The following NEK7 variants were observed in gnomAD, a reference collection of about 807,000 sequenced individuals.
NEK7 encodes serine/threonine-protein kinase Nek7.
Under a neutral mutation model 44.6 loss-of-function variants are expected in NEK7, and 18 were observed. That is an observed-to-expected ratio of 0.40 (90% CI 0.28 to 0.60). NEK7 has a LOEUF of 0.60. Ranked by LOEUF, NEK7 falls within the 20% of genes least tolerant of loss-of-function variation. The pLI is 0.38. For missense variants in NEK7, 256 were observed against 366.5 expected (o/e 0.70, Z 2.46); for synonymous variants, 130 against 121.1 (o/e 1.07, Z -0.48).
intron 1 of NEK7, among the ~76,000 whole-genome samples, chr1:198,230,428 A>C (rs1227623194): frequency 6.6e-6 from 1 of 152,136 alleles, no homozygotes; most frequent in Non-Finnish European, 1.5e-5. Flanking sequence ...AAAAAAGAAA[A>C]AACATGTAAT....
intron 3 of NEK7, among the ~76,000 whole-genome samples, chr1:198,254,070 CT>C (rs893707913): frequency 2.0e-3 from 298 of 147,012 alleles, no homozygotes; most frequent in African/African-American, 5.1e-3. Context: ...ATCTAAATGT[CT>C]TTTTTTTTTT....
At chr1:198,300,053 A>G (rs901958365) in intron 9 of NEK7, among the ~76,000 whole-genome samples, 6 of 152,162 alleles carry the variant, frequency 3.9e-5, no homozygotes, top group Non-Finnish European at 5.9e-5. Flanking sequence ...TAGGGAATCT[A>G]TATTTTATGG....
At chr1:198,207,351 T>G (rs1665627530) in intron 1 of NEK7, 1 of 152,168 alleles carries the variant, frequency 6.6e-6, no homozygotes, top group African/African-American at 2.4e-5. Flanking sequence ...ACCCAGAAAT[T>G]TGATTCCTAG....
At chr1:198,228,496 A>G (rs1321342086) in intron 1 of NEK7, among the ~76,000 whole-genome samples, 1 of 151,486 alleles carries the variant, frequency 6.6e-6, no homozygotes, top group African/African-American at 2.4e-5. Context: ...CTTCCTACCC[A>G]TGAGCATGGA....
At chr1:198,207,984 G>A (rs1401393090) in intron 1 of NEK7, among the ~76,000 whole-genome samples, 1 of 152,142 alleles carries the variant, frequency 6.6e-6, no homozygotes, top group Admixed American at 6.5e-5. Context: ...CTCTATTTAT[G>A]TGTTGGTTGT....
At chr1:198,276,628 T>G (rs1654026251) in intron 5 of NEK7, among the ~76,000 whole-genome samples, 1 of 151,798 alleles carries the variant, frequency 6.6e-6, no homozygotes, top group South Asian at 2.1e-4. Context: ...CCTGGTCATC[T>G]AATTGTTATT....
chr1:198,299,579 T>C (rs922196084), intron 9 of NEK7, among the ~76,000 whole-genome samples: 2 of 152,224 alleles, frequency 1.3e-5, no homozygotes, highest in African/African-American at 4.8e-5. Context: ...GTTAATTTTA[T>C]AGCTACAATG....
At chr1:198,310,617 G>T (rs914062214) in intron 9 of NEK7, among the ~76,000 whole-genome samples, 2 of 151,558 alleles carry the variant, frequency 1.3e-5, no homozygotes, top group African/African-American at 4.9e-5. Flanking sequence ...ATTGATTTTT[G>T]TATAAGGTGT....
intron 5 of NEK7, among the ~76,000 whole-genome samples, chr1:198,270,628 G>A (rs772264866): frequency 1.6e-4 from 24 of 152,074 alleles, no homozygotes; most frequent in Admixed American, 5.9e-4. Context: ...TGCTGACTTT[G>A]TATTTTCTAC....
intron 1 of NEK7, among the ~76,000 whole-genome samples, chr1:198,209,641 T>A (rs1665706230): frequency 6.6e-6 from 1 of 152,150 alleles, no homozygotes; most frequent in Non-Finnish European, 1.5e-5. Context: ...CATTTAATTT[T>A]TCTTTCTTTT....
chr1:198,252,999 T>G, intron 2 of NEK7, 41 bp from the exon 3 acceptor site: 2 of 1,561,386 alleles, frequency 1.3e-6, no homozygotes, highest in Non-Finnish European at 8.8e-7. Flanking sequence ...ATTGCGTGTA[T>G]ATTGTGTGAT....
At chr1:198,257,381 C>G (rs972887123) in intron 3 of NEK7, among the ~76,000 whole-genome samples, 1 of 152,044 alleles carries the variant, frequency 6.6e-6, no homozygotes, top group African/African-American at 2.4e-5. Context: ...TTTTTATCAT[C>G]TTAAGTTTAG....
intron 1 of NEK7, among the ~76,000 whole-genome samples, chr1:198,195,831 T>A (rs1016510729): frequency 1.3e-5 from 2 of 152,016 alleles, no homozygotes; most frequent in African/African-American, 4.8e-5. Flanking sequence ...AAAAAGAAAT[T>A]TAACCCGAAT....
intron 1 of NEK7, among the ~76,000 whole-genome samples, chr1:198,162,405 A>T (rs1318494000): frequency 6.6e-6 from 1 of 152,204 alleles, no homozygotes; most frequent in Non-Finnish European, 1.5e-5. Context: ...TGATGTGGAA[A>T]AGACTAGGCA....
At chr1:198,274,995 A>G (rs143714045) in intron 5 of NEK7, among the ~76,000 whole-genome samples, 122 of 151,814 alleles carry the variant, frequency 8.0e-4, no homozygotes, top group Admixed American at 1.9e-3. Flanking sequence ...AAATGATGGT[A>G]ATCTTCTTAC....
intron 1 of NEK7, among the ~76,000 whole-genome samples, chr1:198,216,801 A>T (rs188190234): frequency 6.6e-6 from 1 of 152,052 alleles, no homozygotes; most frequent in African/African-American, 2.4e-5. Flanking sequence ...TGACATTACT[A>T]TGAACACCTT....
At chr1:198,292,663 CT>C (rs1449352520) in intron 7 of NEK7, among the ~76,000 whole-genome samples, 3 of 151,764 alleles carry the variant, frequency 2.0e-5, no homozygotes, top group African/African-American at 7.3e-5. Context: ...GGCAGAATTA[CT>C]TTTTTTCCCT....
chr1:198,185,467 G>GTAGAGCTT (rs1288169440), intron 1 of NEK7, among the ~76,000 whole-genome samples: 1 of 152,062 alleles, frequency 6.6e-6, no homozygotes, highest in African/African-American at 2.4e-5. Flanking sequence ...AAATGCCTCA[G>GTAGAGCTT]TAGAGCTTTA....
chr1:198,227,632 T>C (rs1391018834), intron 1 of NEK7, among the ~76,000 whole-genome samples: 1 of 152,252 alleles, frequency 6.6e-6, no homozygotes, highest in Admixed American at 6.5e-5. Flanking sequence ...ATGATGAGAA[T>C]TTTTTCATGT....
Sources: allele counts gnomAD v4.1 joint callset (sites outside exome capture counted in the v4.1 genomes callset), GRCh38; gene constraint gnomAD v4.1.1; transcripts MANE v1.5; gene names NCBI Gene and HGNC (gene_info 2026-07-23, HGNC 2026-07-21).